The following OIT3 variants were observed in gnomAD, a reference collection of about 807,000 sequenced individuals.
OIT3 encodes the protein oncoprotein-induced transcript 3 protein.
A neutral mutation model predicts 52.2 loss-of-function variants in OIT3; 41 were observed. The ratio of observed to expected loss-of-function variants is 0.79; its 90% CI spans 0.61 to 1.02. The LOEUF is 1.02. Ranked by LOEUF, OIT3 falls within the 50% of genes least tolerant of loss-of-function variation. The probability of loss-of-function intolerance (pLI) is 0.00; values close to 1 mark genes in which losing one functional copy is unlikely to be tolerated. For synonymous variants in OIT3, 244 were observed against 276.9 expected, an observed-to-expected ratio of 0.88 and a Z score of 1.18; for missense variants, 634 against 715.5, an observed-to-expected ratio of 0.89 and a Z score of 1.30.
intron 1 of OIT3, among the ~76,000 whole-genome samples, chr10:72,897,993 A>T (rs1442260305): frequency 2.0e-5 from 3 of 152,054 alleles, no homozygotes; most frequent in Non-Finnish European, 4.4e-5. Flanking sequence ...TTCATAAAAT[A>T]CAGTCTCCGG....
At chr10:72,912,831 T>C (rs940277591) in intron 5 of OIT3, among the ~76,000 whole-genome samples, 3 of 152,198 alleles carry the variant, frequency 2.0e-5, no homozygotes, top group Admixed American at 1.3e-4. Context: ...TCCTGAGCAA[T>C]GCAAGGACAA....
intron 1 of OIT3, 100 bp downstream of exon 1, chr10:72,893,959 C>A: frequency 1.4e-6 from 1 of 708,802 alleles, no homozygotes; most frequent in Non-Finnish European, 2.3e-6. Context: ...ACCTTAAATG[C>A]TAGCTCTAGA....
At position 72,898,852 on chromosome 10, in the gene OIT3, G is replaced by T. The variant is rs540046250; in HGVS notation, c.250G>T (p.Ala84Ser). Residue 84 changes from alanine (A) to serine (S), a missense_variant, in exon 2 of 9, where the codon GCA (alanine) becomes TCA (serine). Transcript: ENST00000334011. The part of the protein sequence containing the change: ...CIPENHCGTH[A>S]PVWLNGSHPL... ...ACCAGAAAACCACTGTGGAACCCAC[G>T]CACCTGTCTGGCTCAATGGCAGCCA... 6.2e-6 allele frequency: 10 copies of T among 1,614,118 alleles called. No individual in the cohort carries two copies. Among genetic ancestry groups the T allele is most frequent in the South Asian group, 1.1e-5 (1 of 91,066 alleles).
chr10:72,900,300 CG>C, intron 2 of OIT3, 76 bp from the exon 3 acceptor site: 7 of 790,352 alleles, frequency 8.9e-6, no homozygotes, highest in South Asian at 4.9e-5. Context: ...CCCGACCCCC[CG>C]CACCATCTCT....
chr10:72,923,182 C>A (rs898521452), intron 6 of OIT3, among the ~76,000 whole-genome samples: 22 of 152,116 alleles, frequency 1.4e-4, no homozygotes, highest in Non-Finnish European at 5.9e-5. Flanking sequence ...TGGCCTTTCC[C>A]CCCGGCATTT....
In OIT3 at chr10:72,932,492, G is replaced by T; in HGVS notation, c.1606G>T (p.Gly536Cys). ...SAGLQGQTLT[G>C]GPIRIDWED ...CGGTCTACAGGGCCAGACGCTAACAGGCGGCCCGATCCGCATCGACTGGGA... is the reference window on the plus strand; with the variant it reads ...CGGTCTACAGGGCCAGACGCTAACATGCGGCCCGATCCGCATCGACTGGGA... The change falls in exon 9 of 9, where the codon GGC becomes TGC. Residue 536 changes from glycine (G) to cysteine (C), a missense_variant. Gly to Cys is a radical substitution (Grantham distance 159). Coordinates refer to ENST00000334011, the MANE Select transcript of OIT3 (RefSeq NM_152635.3). 1 of 1,612,532 alleles carries T rather than the reference G, an allele frequency of 6.2e-7. No individual in the cohort carries two copies. Among genetic ancestry groups the T allele is most frequent in the Non-Finnish European group, 8.5e-7 (1 of 1,179,208 alleles).
chr10:72,903,751 A>G (rs1192290165), intron 3 of OIT3, among the ~76,000 whole-genome samples: 2 of 152,146 alleles, frequency 1.3e-5, no homozygotes, highest in South Asian at 2.1e-4. Context: ...ACCTTACCCA[A>G]TGTGTGAGAT....
rs185098789 is a variant in OIT3, at chr10:72,921,701, C to T, written c.952-2528C>T. Among the ~76,000 whole-genome samples the T allele has an allele frequency of 1.2e-4, 17 of 140,306 alleles. No homozygotes were observed. The East Asian group carries it at 2.9e-3, about 24-fold the overall frequency. 92.0% of individuals were successfully genotyped at this position (140,306 alleles called of 152,430 possible). A position where few individuals can be genotyped will look rare whatever the true frequency, so the allele number is the denominator to read the frequency against. On this transcript the variant is annotated intron_variant, in intron 6 of 8. Coordinates refer to ENST00000334011, the MANE Select transcript of OIT3 (RefSeq NM_152635.3). ...TTTTTTTTTTTTTTTTTAAGACAGT[C>T]TTGCTCTGTCTCCCAGGCTGGAATG...
chr10:72,903,757 G>C (rs1001891113), intron 3 of OIT3, among the ~76,000 whole-genome samples: 1 of 152,176 alleles, frequency 6.6e-6, no homozygotes, highest in Non-Finnish European at 1.5e-5. Context: ...CCCAATGTGT[G>C]AGATTTTCTC....
chr10:72,916,795 A>T (rs566554824), intron 6 of OIT3, among the ~76,000 whole-genome samples: 1 of 152,192 alleles, frequency 6.6e-6, no homozygotes, highest in African/African-American at 2.4e-5. Context: ...ACTCCCACCA[A>T]CAGTGTAAAA....
intron 3 of OIT3, among the ~76,000 whole-genome samples, chr10:72,901,877 A>G (rs971176927): frequency 2.6e-5 from 4 of 152,250 alleles, no homozygotes; most frequent in Non-Finnish European, 5.9e-5. Context: ...CCCCATCTCT[A>G]TAAAATAAAA....
Position 72,930,520 on chromosome 10 carries a change from T to C in OIT3, c.1368-18T>C, listed in dbSNP as rs779436866. The C allele has an allele frequency of 6.4e-6, 10 of 1,557,338 alleles. No homozygotes were observed. Among genetic ancestry groups the C allele is most frequent in the Middle Eastern group, 3.4e-4 (2 of 5,952 alleles). On this transcript the variant is annotated intron_variant, in intron 7 of 8. Coordinates refer to ENST00000334011, the MANE Select transcript of OIT3 (RefSeq NM_152635.3). ...GTTGAAACAATCAAGTCTTATGTGC[T>C]ATCTGCCCTACTTTCAGCTGTGTTT...
rs369866203 is a variant in OIT3, at chr10:72,924,228, G to C, written c.952-1G>C. On this transcript the variant is annotated splice_acceptor_variant, in intron 6 of 8. Coordinates refer to ENST00000334011, the MANE Select transcript of OIT3 (RefSeq NM_152635.3). LOFTEE classifies it high-confidence loss of function. The stretch of plus-strand genomic sequence containing the variant: ...CCTCTCCTCACCCTGGCCTGGCTCA[G>C]GTGGTGAATGACAAGATTGTGGCCA... 5.0e-6 allele frequency: 8 copies of C among 1,588,468 alleles called. No individual in the cohort carries two copies. In the African/African-American group the frequency reaches 1.1e-4, roughly 21 times the overall value.
At chr10:72,918,234 T>G (rs542505518) in intron 6 of OIT3, 1 of 832,244 alleles carries the variant, frequency 1.2e-6, no homozygotes, top group African/African-American at 1.7e-5. Context: ...ACACTTCAAC[T>G]GTAAGATCAC....
In OIT3 at chr10:72,924,209, C is replaced by T. The variant is rs1442093842; in HGVS notation, c.952-20C>T. ...ACAAACAGACAATCTCTTTCCTCTCCTCACCCTGGCCTGGCTCAGGTGGTG... is the reference window on the plus strand; with the variant it reads ...ACAAACAGACAATCTCTTTCCTCTCTTCACCCTGGCCTGGCTCAGGTGGTG... On this transcript the variant is annotated intron_variant, in intron 6 of 8. Transcript: ENST00000334011. 3.8e-6 allele frequency: 6 copies of T among 1,562,538 alleles called. No homozygotes were observed. The highest frequency in any genetic ancestry group is 5.2e-6 in the Non-Finnish European group (6 of 1,152,262).
At position 72,924,466 on chromosome 10, in the gene OIT3, A is replaced by T. The variant is rs1472412959; in HGVS notation, c.1189A>T (p.Asn397Tyr). ...FPFTLEIFKD[N>Y]EFEEPYREAL... ...ATTCACTCTGGAGATCTTCAAGGAC[A>T]ATGAGTTTGAAGAGCCTTACCGGGA... The change falls in exon 7 of 9, where the codon AAT becomes TAT. Residue 397 changes from asparagine to tyrosine, a missense_variant. Transcript: ENST00000334011. The T allele has an allele frequency of 6.2e-7, 1 of 1,614,140 alleles. No homozygotes were observed. Among genetic ancestry groups the T allele is most frequent in the Non-Finnish European group, 8.5e-7 (1 of 1,180,008 alleles).
At chr10:72,896,030 A>G (rs1845872935) in intron 1 of OIT3, among the ~76,000 whole-genome samples, 1 of 152,172 alleles carries the variant, frequency 6.6e-6, no homozygotes, top group African/African-American at 2.4e-5. Flanking sequence ...GTTAACTTTT[A>G]AAAATATATA....
At chr10:72,896,465 G>A (rs1845876058) in intron 1 of OIT3, among the ~76,000 whole-genome samples, 1 of 152,116 alleles carries the variant, frequency 6.6e-6, no homozygotes, top group Admixed American at 6.5e-5. Flanking sequence ...ATACATAAGG[G>A]GCATTTTAAA....
chr10:72,921,962 G>A (rs1454660818), intron 6 of OIT3, among the ~76,000 whole-genome samples: 1 of 152,130 alleles, frequency 6.6e-6, no homozygotes, highest in African/African-American at 2.4e-5. Context: ...GTGAGCCACT[G>A]CACCCAGCCA....
Sources: allele counts gnomAD v4.1 joint callset (sites outside exome capture counted in the v4.1 genomes callset), GRCh38; gene constraint gnomAD v4.1.1; transcripts MANE v1.5; gene names NCBI Gene and HGNC (gene_info 2026-07-23, HGNC 2026-07-21).